Variants in GALNT7 observed in about 807,000 individuals in gnomAD.
The protein encoded by GALNT7 is polypeptide N-acetylgalactosaminyltransferase 7.
GALNT7 carries 60 observed loss-of-function variants against 82.1 expected under a neutral mutation model. The ratio of observed to expected loss-of-function variants is 0.73; its 90% CI spans 0.59 to 0.91. GALNT7 has a LOEUF of 0.91. Ranked by LOEUF, GALNT7 falls within the 40% of genes least tolerant of loss-of-function variation. The pLI is 0.00. For synonymous variants in GALNT7, 243 were observed against 275.1 expected (o/e 0.88, Z 1.15); for missense variants, 660 against 804.2 (o/e 0.82, Z 2.17).
At position 173,200,014 on chromosome 4, in the gene GALNT7, A is replaced by G. The variant is rs552769354; in HGVS notation, c.126+31053A>G. Among the ~76,000 whole-genome samples the G allele has an allele frequency of 2.2e-4, 34 of 152,356 alleles. No homozygotes were observed. The South Asian group carries it at 6.8e-3, about 31-fold the overall frequency. On this transcript the variant is annotated intron_variant, in intron 1 of 11. Coordinates refer to ENST00000265000, the MANE Select transcript of GALNT7 (RefSeq NM_017423.3). The stretch of plus-strand genomic sequence containing the variant: ...TTCTTAGAAAATTGGCAATCCATGT[A>G]TAGAATAAGAAAGTCTCTATTGCTG...
chr4:173,223,742 G>A (rs1579926809), intron 1 of GALNT7, among the ~76,000 whole-genome samples: 1 of 152,100 alleles, frequency 6.6e-6, no homozygotes, highest in South Asian at 2.1e-4. Flanking sequence ...ATTCATACAA[G>A]TACCTCCTAA....
chr4:173,322,914 T>C lies in GALNT7; in HGVS notation c.*1197T>C, dbSNP rs186474233. ...ATTAACAAACGTGAACTACTTTCTG[T>C]TACATTAGGTGTTCCCTAGTGTTTC... On this transcript the variant is annotated 3_prime_UTR_variant, in exon 12 of 12. Transcript: ENST00000265000. 4 of 152,360 alleles carry C rather than the reference T, an allele frequency of 2.6e-5. No homozygotes were observed. Among genetic ancestry groups the C allele is most frequent in the African/African-American group, 9.6e-5 (4 of 41,584 alleles). 9.4% of individuals were successfully genotyped at this position (152,360 alleles called of 1,614,324 possible).
chr4:173,194,612 C>T (rs1358527158), intron 1 of GALNT7, among the ~76,000 whole-genome samples: 4 of 151,988 alleles, frequency 2.6e-5, no homozygotes, highest in Admixed American at 1.3e-4. Context: ...AGGATTTTGC[C>T]TTATAGGAGA....
intron 9 of GALNT7, chr4:173,315,763 T>C (rs1737576837): frequency 1.3e-5 from 2 of 152,222 alleles, no homozygotes; most frequent in Non-Finnish European, 2.9e-5. Flanking sequence ...CCCAGACAAG[T>C]ATATCCAACT....
chr4:173,285,181 T>C (rs746978936), intron 2 of GALNT7, among the ~76,000 whole-genome samples: 3 of 152,252 alleles, frequency 2.0e-5, no homozygotes, highest in Non-Finnish European at 4.4e-5. Context: ...TGCCTTCTTA[T>C]AATCTTTTAA....
At chr4:173,195,857 C>G (rs1208574435) in intron 1 of GALNT7, among the ~76,000 whole-genome samples, 1 of 152,204 alleles carries the variant, frequency 6.6e-6, no homozygotes, top group African/African-American at 2.4e-5. Context: ...ACACACATAT[C>G]ACTATGTGGT....
intron 2 of GALNT7, among the ~76,000 whole-genome samples, chr4:173,256,573 G>A (rs1019068139): frequency 6.0e-5 from 7 of 116,350 alleles, no homozygotes; most frequent in Non-Finnish European, 8.7e-5. Flanking sequence ...CTTCCTTCCC[G>A]TATTTTTTTT....
rs888094844 is a variant in GALNT7, at chr4:173,320,596, A to G, written c.1837-984A>G. Among the ~76,000 whole-genome samples the G allele has an allele frequency of 6.6e-6, 1 of 152,138 alleles. No individual in the cohort carries two copies. Among genetic ancestry groups the G allele is most frequent in the African/African-American group, 2.4e-5 (1 of 41,434 alleles). ...GGGAAACCCAGCCCCACACAAGCAT[A>G]CAGTTTGTAAAGGGAGCGAGTACTT... On this transcript the variant is annotated intron_variant, in intron 11 of 11. Transcript: ENST00000265000. This position sits in a 1 kb window ranked among gnomAD's most constrained non-coding sequence, Gnocchi z 4.1.
chr4:173,312,493 C>T (rs1392983145), intron 8 of GALNT7, among the ~76,000 whole-genome samples: 2 of 152,172 alleles, frequency 1.3e-5, no homozygotes, highest in South Asian at 2.1e-4. Flanking sequence ...AGAACTCACC[C>T]CCTCACCTCC....
intron 1 of GALNT7, among the ~76,000 whole-genome samples, chr4:173,181,553 C>A (rs1205526535): frequency 1.3e-5 from 2 of 152,098 alleles, no homozygotes; most frequent in Non-Finnish European, 2.9e-5. Context: ...TAACTCTATT[C>A]CTCTTCTTAT....
chr4:173,308,808 C>T (rs1188014197), intron 8 of GALNT7, among the ~76,000 whole-genome samples: 6 of 152,168 alleles, frequency 3.9e-5, no homozygotes, highest in African/African-American at 9.7e-5. Context: ...GAGGCTGAGG[C>T]AGGAGAATCG....
intron 9 of GALNT7, among the ~76,000 whole-genome samples, chr4:173,315,586 G>A (rs1737568919): frequency 6.6e-6 from 1 of 152,160 alleles, no homozygotes; most frequent in Non-Finnish European, 1.5e-5. Flanking sequence ...TTAGAGTTCA[G>A]GAATAGAAGG....
chr4:173,265,562 T>C (rs1029338873), intron 2 of GALNT7, among the ~76,000 whole-genome samples: 2 of 151,614 alleles, frequency 1.3e-5, no homozygotes, highest in African/African-American at 4.9e-5. Context: ...CTAGCTGTTT[T>C]ACTAGCAGTG....
chr4:173,264,480 C>T (rs1735405021), intron 2 of GALNT7, among the ~76,000 whole-genome samples: 1 of 152,160 alleles, frequency 6.6e-6, no homozygotes, highest in Non-Finnish European at 1.5e-5. Context: ...GGGTATTGCT[C>T]TTCCGTATTA....
rs543784293 is a variant in GALNT7 at position 173,263,519 on chromosome 4, C to A, written c.587+15079C>A. On this transcript the variant is annotated intron_variant, in intron 2 of 11. Transcript: ENST00000265000. ...CATAGATGGCCGGATAGTATGAAAT[C>A]CTATCTCTACACTAATTACTTAGGA... Among the ~76,000 whole-genome samples the A allele has an allele frequency of 5.3e-5, 8 of 152,244 alleles. No individual in the cohort carries two copies. In the East Asian group the frequency reaches 5.8e-4, roughly 11 times the overall value.
Position 173,322,821 on chromosome 4 carries a change from T to A in GALNT7, c.*1104T>A, listed in dbSNP as rs1451367810. ...GTGAACTGATGTTTCATTTATATTTTCATCCAAATGACATTATCTGCACGT... is the reference window on the plus strand; with the variant it reads ...GTGAACTGATGTTTCATTTATATTTACATCCAAATGACATTATCTGCACGT... On this transcript the variant is annotated 3_prime_UTR_variant, in exon 12 of 12. Coordinates refer to ENST00000265000, the MANE Select transcript of GALNT7 (RefSeq NM_017423.3). The A allele has an allele frequency of 2.0e-5, 3 of 152,172 alleles. No individual in the cohort carries two copies. The highest frequency in any genetic ancestry group is 7.2e-5 in the African/African-American group (3 of 41,452). The allele number at this position is 152,172 out of a possible 1,614,324, so 9.4% of individuals were successfully genotyped here. A position where few individuals can be genotyped will look rare whatever the true frequency, so the allele number is the denominator to read the frequency against.
At chr4:173,297,756 G>A (rs140869330) in intron 5 of GALNT7, 5 of 1,105,978 alleles carry the variant, frequency 4.5e-6, no homozygotes, top group Non-Finnish European at 6.0e-6. Flanking sequence ...ACTAGTCTTG[G>A]GTTCTTAAAT....
intron 1 of GALNT7, among the ~76,000 whole-genome samples, chr4:173,210,081 C>G (rs1733225282): frequency 6.6e-6 from 1 of 151,982 alleles, no homozygotes; most frequent in Admixed American, 6.5e-5. Context: ...TTGCAGTGAC[C>G]TGAGATCGTG....
chr4:173,320,280 T>C lies in GALNT7; in HGVS notation c.1837-1300T>C, dbSNP rs1462371290. Among the ~76,000 whole-genome samples the C allele has an allele frequency of 6.6e-6, 1 of 152,096 alleles. No individual in the cohort carries two copies. The highest frequency in any genetic ancestry group is 1.9e-4 in the East Asian group (1 of 5,188). The stretch of plus-strand genomic sequence containing the variant: ...CACCCCCAAATTGCTTTTGTTTATA[T>C]AGGTTATCACTAGCAATATTTCCAG... On this transcript the variant is annotated intron_variant, in intron 11 of 11. Coordinates refer to ENST00000265000, the MANE Select transcript of GALNT7 (RefSeq NM_017423.3). This position sits in a 1 kb window ranked among gnomAD's most constrained non-coding sequence, Gnocchi z 4.1.
Sources: allele counts gnomAD v4.1 joint callset (sites outside exome capture counted in the v4.1 genomes callset), GRCh38; gene constraint gnomAD v4.1.1; non-coding constraint Gnocchi (gnomAD v3.1); transcripts MANE v1.5; gene names NCBI Gene and HGNC (gene_info 2026-07-23, HGNC 2026-07-21).